CD46: variants seen among roughly 807,000 people sequenced by gnomAD.
CD46 encodes CD46 molecule, also known as membrane cofactor protein.
CD46 carries 30 observed loss-of-function variants against 53.3 expected under a neutral mutation model. The ratio of observed to expected loss-of-function variants is 0.56; its 90% CI spans 0.42 to 0.76. The LOEUF (loss-of-function observed/expected upper bound fraction) is 0.76, where lower values mean the gene tolerates loss of function less well. CD46 is among the 30% of genes least tolerant of loss of function. The pLI, the probability that CD46 is intolerant of heterozygous loss-of-function variation, is 0.00. For synonymous variants in CD46, 142 were observed against 152.0 expected, an observed-to-expected ratio of 0.93 and a Z score of 0.48; for missense variants, 409 against 463.0, an observed-to-expected ratio of 0.88 and a Z score of 1.07.
chr1:207,764,934 T>C (rs1656675837), intron 5 of CD46, among the ~76,000 whole-genome samples: 1 of 152,222 alleles, frequency 6.6e-6, no homozygotes, highest in African/African-American at 2.4e-5. Context: ...GGAACACTTC[T>C]CATCCCATTT....
intron 1 of CD46, among the ~76,000 whole-genome samples, chr1:207,754,749 A>G (rs1330046128): frequency 3.3e-5 from 5 of 152,120 alleles, no homozygotes; most frequent in African/African-American, 1.2e-4. Context: ...TTGACTCTGC[A>G]GGGCTTCCAG....
chr1:207,765,803 C>T (rs1041603981), intron 5 of CD46, among the ~76,000 whole-genome samples: 1 of 152,122 alleles, frequency 6.6e-6, no homozygotes, highest in African/African-American at 2.4e-5. Context: ...TCATACAACT[C>T]GGCAACCCAA....
chr1:207,783,379 G>A (rs762800547), intron 9 of CD46, 49 bp downstream of exon 9: 27 of 1,167,532 alleles, frequency 2.3e-5, no homozygotes, highest in East Asian at 4.7e-5. Flanking sequence ...GTGTAGAAAC[G>A]TGTAGGTAAT....
At chr1:207,767,288 A>T in intron 6 of CD46, 93 bp downstream of exon 6, 1 of 1,090,068 alleles carries the variant, frequency 9.2e-7, no homozygotes, top group Non-Finnish European at 1.4e-6. Flanking sequence ...TCAGTCATAC[A>T]AAATAACTGA....
In CD46 at chr1:207,793,707, A is replaced by G. The variant is rs1211213320; in HGVS notation, c.*230A>G. Reference sequence around the variant, plus strand: ...CAACTGTGGCTTAGCTAATATTGCAATGTGGCTTGAATGTAGGTAGCATCC... The same window carrying G: ...CAACTGTGGCTTAGCTAATATTGCAGTGTGGCTTGAATGTAGGTAGCATCC... On this transcript the variant is annotated 3_prime_UTR_variant, in exon 13 of 13. Transcript: ENST00000367042. The G allele has an allele frequency of 4.7e-6, 4 of 847,924 alleles. No individual in the cohort carries two copies. The highest frequency in any genetic ancestry group is 3.3e-5 in the African/African-American group (2 of 60,112). 52.5% of individuals were successfully genotyped at this position (847,924 alleles called of 1,614,324 possible).
intron 5 of CD46, 41 bp downstream of exon 5, chr1:207,761,487 A>G: frequency 2.0e-6 from 3 of 1,516,608 alleles, no homozygotes; most frequent in Non-Finnish European, 1.8e-6. Flanking sequence ...TGTAAATACT[A>G]TGGAAACATT....
At position 207,761,436 on chromosome 1, in the gene CD46, A is replaced by G. The variant is rs748968804; in HGVS notation, c.663A>G (p.Pro221=). The part of the protein sequence containing the change: ...GDNSVWSRAA[P]ECKVVKCRFP... ...ATTCAGTGTGGAGTCGTGCTGCTCC[A>G]GAGTGTAAAGGTAGTGTTTCAATTT... Residue 221 remains proline (P), a synonymous_variant, in exon 5 of 13, where the codon CCA becomes CCG. Transcript: ENST00000367042. 17 of 1,612,974 alleles carry G rather than the reference A, an allele frequency of 1.1e-5. No individual in the cohort carries two copies. In the South Asian group the frequency reaches 1.4e-4, roughly 14 times the overall value.
Position 207,785,004 on chromosome 1 carries a change from TC to T in CD46, c.983-66del. On this transcript the variant is annotated intron_variant, in intron 9 of 12. Transcript: ENST00000367042. ...CAAACCATATCAAGTGTTTAGATGA[TC>T]TGATTGAAATAAATGCTATCTGGAG... The T allele has an allele frequency of 3.0e-6, 4 of 1,319,472 alleles. No individual in the cohort carries two copies. In the South Asian group the frequency reaches 4.8e-5, roughly 16 times the overall value. The allele number at this position is 1,319,472 out of a possible 1,614,324, so 81.7% of individuals were successfully genotyped here.
At position 207,776,352 on chromosome 1, in the gene CD46, C is replaced by T. The variant is rs185891519; in HGVS notation, c.943+5990C>T. On this transcript the variant is annotated intron_variant, in intron 8 of 12. Coordinates refer to ENST00000367042, the MANE Select transcript of CD46 (RefSeq NM_172351.3). ...CCGGGTGAGGCGATGCCCCGCCCTC[C>T]GTGGGCTGCACTCACTGTCCAGCCA... is the stretch of plus-strand genomic sequence containing the variant. Among the ~76,000 whole-genome samples the T allele has an allele frequency of 1.5e-3, 235 of 152,342 alleles. 1 individual carries two copies. Among genetic ancestry groups the T allele is most frequent in the Admixed American group, 2.7e-3 (42 of 15,308 alleles).
chr1:207,789,965 A>G lies in CD46; in HGVS notation c.1083-288A>G, dbSNP rs542625620. On this transcript the variant is annotated intron_variant, in intron 11 of 12. Coordinates refer to ENST00000367042, the MANE Select transcript of CD46 (RefSeq NM_172351.3). ...TGTTATTCCTTGAAAACATTTTGAC[A>G]TGAATCACTTCATGCAAAATGGCTT... Among the ~76,000 whole-genome samples, 7 of 152,034 alleles carry G rather than the reference A, an allele frequency of 4.6e-5. 1 individual carries two copies. The South Asian group carries it at 1.2e-3, about 27-fold the overall frequency.
At position 207,770,375 on chromosome 1, in the gene CD46, T is replaced by A. The variant is rs879098932; in HGVS notation, c.943+13T>A. The stretch of plus-strand genomic sequence containing the variant: ...TCAAATTATCCAGGTTGGTTAACTC[T>A]TTATCCTACTGATATTGTTAAGAAT... On this transcript the variant is annotated intron_variant, in intron 8 of 12. Coordinates refer to ENST00000367042, the MANE Select transcript of CD46 (RefSeq NM_172351.3). The A allele has an allele frequency of 1.3e-6, 2 of 1,529,590 alleles. No individual in the cohort carries two copies. Among genetic ancestry groups the A allele is most frequent in the South Asian group, 2.2e-5 (2 of 88,942 alleles). The allele number at this position is 1,529,590 out of a possible 1,614,324, so 94.8% of individuals were successfully genotyped here.
At chr1:207,783,847 T>G (rs1659021385) in intron 9 of CD46, 1 of 153,102 alleles carries the variant, frequency 6.5e-6, no homozygotes, top group Non-Finnish European at 1.5e-5. Context: ...GTGGTCCAAG[T>G]AAATCTGTTG....
chr1:207,763,304 A>T (rs1342202906), intron 5 of CD46: 2 of 152,388 alleles, frequency 1.3e-5, no homozygotes, highest in Admixed American at 6.5e-5. Flanking sequence ...GGAGTACGGG[A>T]TCCAGCTAAG....
intron 11 of CD46, among the ~76,000 whole-genome samples, chr1:207,786,597 A>G (rs1659295245): frequency 6.6e-6 from 1 of 152,294 alleles, no homozygotes; most frequent in Non-Finnish European, 1.5e-5. Flanking sequence ...AGTTTTAGAA[A>G]TAGCTTTGAA....
At chr1:207,762,242 C>A (rs1269410477) in intron 5 of CD46, among the ~76,000 whole-genome samples, 1 of 152,050 alleles carries the variant, frequency 6.6e-6, no homozygotes, top group Non-Finnish European at 1.5e-5. Context: ...CTCAAAATAT[C>A]CAAATATGTA....
rs548170655 is a variant in CD46, at chr1:207,783,168, T to C, written c.944-124T>C. Reference sequence around the variant, plus strand: ...TTAATATAGTTTATAAGGAAAATTATATTTTAAGGGATTTTCTACAAAGGT... The same window carrying C: ...TTAATATAGTTTATAAGGAAAATTACATTTTAAGGGATTTTCTACAAAGGT... On this transcript the variant is annotated intron_variant, in intron 8 of 12. Transcript: ENST00000367042. 7.2e-5 allele frequency: 39 copies of C among 541,804 alleles called. No homozygotes were observed. In the South Asian group the frequency reaches 1.1e-3, roughly 15 times the overall value. 33.6% of individuals were successfully genotyped at this position (541,804 alleles called of 1,614,324 possible).
intron 12 of CD46, among the ~76,000 whole-genome samples, chr1:207,793,127 C>T (rs962033117): frequency 2.6e-5 from 4 of 152,190 alleles, no homozygotes; most frequent in Non-Finnish European, 4.4e-5. Flanking sequence ...GCATCACATA[C>T]TTGAACAGTT....
rs1290169398 is a variant in CD46 at position 207,767,014 on chromosome 1, G to T, written c.675G>T (p.Val225=). The T allele has an allele frequency of 1.2e-6, 2 of 1,612,486 alleles. No individual in the cohort carries two copies. Among genetic ancestry groups the T allele is most frequent in the African/African-American group, 1.3e-5 (1 of 74,860 alleles). The change falls in exon 6 of 13, where the codon GTG becomes GTT. Residue 225 remains valine (V), a splice_region_variant and synonymous_variant. Coordinates refer to ENST00000367042, the MANE Select transcript of CD46 (RefSeq NM_172351.3). ...TCTGAGGTTTCTCTAATTTTCCAGT[G>T]GTCAAATGTCGATTTCCAGTAGTCG... ...VWSRAAPECK[V]VKCRFPVVEN...
intron 8 of CD46, 29 bp downstream of exon 8, chr1:207,770,391 T>G: frequency 4.1e-6 from 6 of 1,447,558 alleles, no homozygotes; most frequent in Non-Finnish European, 5.8e-6. Flanking sequence ...CTACTGATAT[T>G]GTTAAGAATT....
Sources: gnomAD v4.1 joint callset for allele counts (sites outside exome capture counted in the v4.1 genomes callset) on GRCh38, gnomAD v4.1.1 for gene constraint, MANE v1.5 for transcripts, NCBI Gene and HGNC (gene_info 2026-07-23, HGNC 2026-07-21) for gene names.